NRG1: variants seen among roughly 807,000 people sequenced by gnomAD.
NRG1 encodes pro-neuregulin-1, membrane-bound isoform.
NRG1 carries 18 observed loss-of-function variants against 63.8 expected under a neutral mutation model. The observed-to-expected ratio is 0.28, with a 90% confidence interval of 0.19 to 0.42. The LOEUF is 0.42. NRG1 is among the 10% of genes least tolerant of loss of function. The pLI is 1.00. For missense variants in NRG1, 762 were observed against 814.7 expected (o/e 0.94, Z 0.79); for synonymous variants, 302 against 301.3 (o/e 1.00, Z -0.02).
intron 1 of NRG1, among the ~76,000 whole-genome samples, chr8:32,455,038 A>G (rs1821432904): frequency 6.6e-6 from 1 of 152,218 alleles, no homozygotes. Flanking sequence ...GTTATACCAT[A>G]TAGCCAAGGT....
chr8:31,760,443 T>G (rs1284230975), intron 1 of NRG1, among the ~76,000 whole-genome samples: 1 of 152,052 alleles, frequency 6.6e-6, no homozygotes, highest in African/African-American at 2.4e-5. Context: ...AAGCCAAAAT[T>G]GACAAATGGG....
chr8:32,484,560 T>C (rs2129493741), intron 1 of NRG1, among the ~76,000 whole-genome samples: 1 of 152,274 alleles, frequency 6.6e-6, no homozygotes, highest in East Asian at 1.9e-4. Context: ...CCAGCAGGCA[T>C]AGAATCTATC....
intron 1 of NRG1, among the ~76,000 whole-genome samples, chr8:32,579,959 T>A (rs1840350241): frequency 6.6e-6 from 1 of 152,148 alleles, no homozygotes; most frequent in Non-Finnish European, 1.5e-5. Flanking sequence ...CAACATGACA[T>A]CTCTGAGTAT....
chr8:32,763,766 C>G (rs1426615398), exon 12 of NRG1: 25 of 1,555,642 alleles, frequency 1.6e-5, no homozygotes, highest in Non-Finnish European at 2.1e-5. Flanking sequence ...CAGCCATGAC[C>G]ACCCCGGCTC....
At position 31,881,708 on chromosome 8, in the gene NRG1, A is replaced by C. The variant is rs114504201; in HGVS notation, c.37+242277A>C. Among the ~76,000 whole-genome samples the C allele has an allele frequency of 2.5e-3, 380 of 152,348 alleles. 3 individuals carry two copies. The highest frequency in any genetic ancestry group is 8.7e-3 in the African/African-American group (362 of 41,592). On this transcript the variant is annotated intron_variant, in intron 1 of 10. Coordinates refer to the NRG1 transcript ENST00000519301. ...AACTACTTTAGCGAATACACAAATGATAAGATAGTGTGACATTCTAATTGC... is the reference window on the plus strand; with the variant it reads ...AACTACTTTAGCGAATACACAAATGCTAAGATAGTGTGACATTCTAATTGC...
intron 9 of NRG1, among the ~76,000 whole-genome samples, chr8:32,757,114 C>T (rs1322215317): frequency 6.6e-6 from 1 of 152,122 alleles, no homozygotes; most frequent in Non-Finnish European, 1.5e-5. Context: ...TGATGTCAAG[C>T]CCTCCAGATG....
chr8:31,960,409 G>T (rs1387749160), intron 1 of NRG1, among the ~76,000 whole-genome samples: 1 of 152,124 alleles, frequency 6.6e-6, no homozygotes, highest in African/African-American at 2.4e-5. Flanking sequence ...CTATGAAGGA[G>T]ATCCATTTTC....
chr8:32,522,653 C>T (rs1588102019), intron 1 of NRG1, among the ~76,000 whole-genome samples: 1 of 152,282 alleles, frequency 6.6e-6, no homozygotes, highest in African/African-American at 2.4e-5. Flanking sequence ...ACAATTTTCT[C>T]TTCTCTTATA....
intron 1 of NRG1, among the ~76,000 whole-genome samples, chr8:32,592,933 T>C (rs1372133260): frequency 1.3e-5 from 2 of 152,214 alleles, no homozygotes; most frequent in Non-Finnish European, 2.9e-5. Flanking sequence ...ACACAAACAG[T>C]TGATTAATAA....
chr8:32,741,262 C>A (rs1232213438), intron 6 of NRG1, among the ~76,000 whole-genome samples: 1 of 152,032 alleles, frequency 6.6e-6, no homozygotes, highest in Non-Finnish European at 1.5e-5. Context: ...AAATGTTATA[C>A]AGTTTTAAAA....
intron 1 of NRG1, chr8:32,287,021 A>C (rs1853609207): frequency 1.3e-5 from 2 of 152,370 alleles, no homozygotes; most frequent in South Asian, 4.1e-4. Flanking sequence ...CAAAACAAAA[A>C]AAACCTCCAT....
At chr8:31,805,757 G>C (rs1822208594) in intron 1 of NRG1, among the ~76,000 whole-genome samples, 1 of 151,138 alleles carries the variant, frequency 6.6e-6, no homozygotes, top group Non-Finnish European at 1.5e-5. Flanking sequence ...GAACCCTGGA[G>C]GCGGAGCTTG....
chr8:32,584,635 A>G (rs971339639), intron 1 of NRG1, among the ~76,000 whole-genome samples: 14 of 152,350 alleles, frequency 9.2e-5, no homozygotes, highest in African/African-American at 3.1e-4. Flanking sequence ...CATAATTACT[A>G]AGAAAGGAGA....
rs1476600566 is a variant in NRG1, at chr8:32,728,495, TA to T, written c.632+419del. 10 of 985,192 alleles carry T rather than the reference TA, an allele frequency of 1.0e-5. No individual in the cohort carries two copies. The African/African-American group carries it at 1.7e-4, about 17-fold the overall frequency. 61.0% of individuals were successfully genotyped at this position (985,192 alleles called of 1,614,324 possible). On this transcript the variant is annotated intron_variant, in intron 6 of 11. Transcript: ENST00000356819. ...TCCCAGTGATCACCTGCCAAATGAA[TA>T]AGACAACAAAGAGAAGCAGAAGGGC... is the stretch of plus-strand genomic sequence containing the variant.
At chr8:32,005,254 A>C (rs1813584121) in intron 1 of NRG1, among the ~76,000 whole-genome samples, 1 of 151,910 alleles carries the variant, frequency 6.6e-6, no homozygotes, top group African/African-American at 2.4e-5. Context: ...GGTGGGACTT[A>C]ACATCAGCTC....
exon 1 of NRG1, chr8:32,548,352 G>C: frequency 9.9e-7 from 1 of 1,014,038 alleles, no homozygotes; most frequent in African/African-American, 1.7e-5. Context: ...GCCAGGAGCT[G>C]AGCGGCGGCG....
At chr8:32,587,400 A>G (rs960976255) in intron 1 of NRG1, among the ~76,000 whole-genome samples, 1 of 152,098 alleles carries the variant, frequency 6.6e-6, no homozygotes, top group Non-Finnish European at 1.5e-5. Context: ...CAGATAAGAG[A>G]AATACAGAAC....
At chr8:31,853,856 T>G (rs912113482) in intron 1 of NRG1, among the ~76,000 whole-genome samples, 1 of 152,090 alleles carries the variant, frequency 6.6e-6, no homozygotes, top group African/African-American at 2.4e-5. Flanking sequence ...CTTTTCTGCA[T>G]CTATTGAGAT....
intron 1 of NRG1, among the ~76,000 whole-genome samples, chr8:32,423,871 A>C (rs1817002476): frequency 6.6e-6 from 1 of 152,214 alleles, no homozygotes; most frequent in South Asian, 2.1e-4. Context: ...GTTGTCAGTC[A>C]GTCAGTTTGG....
Sources: allele counts gnomAD v4.1 joint callset (sites outside exome capture counted in the v4.1 genomes callset), GRCh38; gene constraint gnomAD v4.1.1; transcripts MANE v1.5; gene names NCBI Gene and HGNC (gene_info 2026-07-23, HGNC 2026-07-21).